GRIN2B: variants seen among roughly 807,000 people sequenced by gnomAD.
GRIN2B encodes the protein glutamate ionotropic receptor NMDA type subunit 2B.
A neutral mutation model predicts 114.5 loss-of-function variants in GRIN2B; 5 were observed. The observed-to-expected ratio is 0.04, with a 90% CI of 0.02 to 0.09. The LOEUF is 0.09. Among genes scored for constraint, GRIN2B ranks in the 10% least tolerant of loss-of-function variants. GRIN2B has a pLI of 1.00. For synonymous variants in GRIN2B, 787 were observed against 745.1 expected (o/e 1.06, Z -0.92); for missense variants, 1,108 against 1,943.5 (o/e 0.57, Z 8.08).
chr12:13,626,190 ATCT>A (rs2136492336), intron 5 of GRIN2B, among the ~76,000 whole-genome samples: 1 of 152,330 alleles, frequency 6.6e-6, no homozygotes, highest in Admixed American at 6.5e-5. Flanking sequence ...GTCCCAAACC[ATCT>A]TCTGGGACAT....
At chr12:13,648,586 C>T (rs1319250163) in intron 5 of GRIN2B, among the ~76,000 whole-genome samples, 1 of 151,966 alleles carries the variant, frequency 6.6e-6, no homozygotes, top group African/African-American at 2.4e-5. Context: ...AAAGCAGTTT[C>T]TCCTTTGATG....
chr12:13,748,401 G>A (rs1172241193), intron 4 of GRIN2B, among the ~76,000 whole-genome samples: 1 of 152,194 alleles, frequency 6.6e-6, no homozygotes, highest in Non-Finnish European at 1.5e-5. Flanking sequence ...AGAGTACATG[G>A]AGAAGGAAAA....
chr12:13,877,537 T>C (rs1297165921), intron 2 of GRIN2B, among the ~76,000 whole-genome samples: 1 of 152,224 alleles, frequency 6.6e-6, no homozygotes, highest in African/African-American at 2.4e-5. Context: ...CTTTACTCTT[T>C]AGTTGTTCTT....
intron 5 of GRIN2B, among the ~76,000 whole-genome samples, chr12:13,659,549 C>T (rs949191558): frequency 6.6e-6 from 1 of 152,144 alleles, no homozygotes; most frequent in Non-Finnish European, 1.5e-5. Context: ...ACTATCTTTG[C>T]TTCTAATGCT....
chr12:13,954,811 G>GA lies in GRIN2B; in HGVS notation c.-19+25116dup, dbSNP rs61525874. 3.3e-3 allele frequency among the ~76,000 whole-genome samples: 84 copies of GA among 25,548 alleles called. 14 individuals are homozygous for GA. Among genetic ancestry groups the GA allele is most frequent in the South Asian group, 0.014 (7 of 498 alleles). 16.8% of individuals were successfully genotyped at this position (25,548 alleles called of 152,430 possible). A position where few individuals can be genotyped will look rare whatever the true frequency, so the allele number is the denominator to read the frequency against. Reference sequence around the variant, plus strand: ...GTGACAGAGTGAGACTCCGTCTCAGGAAAAAAAAAAAAAAAAAACTTTTTC... The same window carrying GA: ...GTGACAGAGTGAGACTCCGTCTCAGGAAAAAAAAAAAAAAAAAAACTTTTTC... On this transcript the variant is annotated intron_variant, in intron 2 of 13. Coordinates refer to ENST00000609686, the MANE Select transcript of GRIN2B (RefSeq NM_000834.5).
At position 13,615,860 on chromosome 12, in the gene GRIN2B, T is replaced by G. The variant is rs1047966274; in HGVS notation, c.1329-196A>C. Among the ~76,000 whole-genome samples the G allele has an allele frequency of 1.3e-5, 2 of 152,220 alleles. No homozygotes were observed. Among genetic ancestry groups the G allele is most frequent in the Non-Finnish European group, 2.9e-5 (2 of 68,042 alleles). On this transcript the variant is annotated intron_variant, in intron 6 of 13. Transcript: ENST00000609686. This position sits in a 1 kb window ranked among gnomAD's most constrained non-coding sequence, Gnocchi z 5.8. Reference sequence around the variant, plus strand: ...GCAATATTCTCATTATCTCGTCATATTGAGATATGTTTCCTCTTAATTTTA... The same window carrying G: ...GCAATATTCTCATTATCTCGTCATAGTGAGATATGTTTCCTCTTAATTTTA...
chr12:13,742,315 C>A (rs1164988389), intron 4 of GRIN2B, among the ~76,000 whole-genome samples: 1 of 152,172 alleles, frequency 6.6e-6, no homozygotes, highest in Non-Finnish European at 1.5e-5. Context: ...CTATCTGATC[C>A]TCATCATCAT....
At chr12:13,824,975 T>C (rs1407327084) in intron 3 of GRIN2B, among the ~76,000 whole-genome samples, 1 of 152,130 alleles carries the variant, frequency 6.6e-6, no homozygotes, top group Non-Finnish European at 1.5e-5. Context: ...ATTCTGTTTA[T>C]CTTACTCTTC....
chr12:13,721,405 T>C (rs1950507539), intron 4 of GRIN2B, among the ~76,000 whole-genome samples: 1 of 151,990 alleles, frequency 6.6e-6, no homozygotes, highest in African/African-American at 2.4e-5. Context: ...GGGAGACTCT[T>C]GCAGGAATCC....
intron 4 of GRIN2B, among the ~76,000 whole-genome samples, chr12:13,731,871 C>T (rs1223988287): frequency 6.6e-6 from 1 of 152,136 alleles, no homozygotes; most frequent in East Asian, 1.9e-4. Context: ...CTTAAAATAA[C>T]CATTTATCAT....
chr12:13,744,555 C>G (rs1371657583), intron 4 of GRIN2B, among the ~76,000 whole-genome samples: 1 of 151,948 alleles, frequency 6.6e-6, no homozygotes, highest in Admixed American at 6.6e-5. Flanking sequence ...ACAAAACACC[C>G]AATAAAGAAA....
intron 2 of GRIN2B, among the ~76,000 whole-genome samples, chr12:13,953,163 T>C (rs1208733942): frequency 1.3e-5 from 2 of 152,094 alleles, no homozygotes; most frequent in African/African-American, 2.4e-5. Context: ...CCTGTCTGTG[T>C]GGCTTCTCAC....
intron 2 of GRIN2B, among the ~76,000 whole-genome samples, chr12:13,879,535 G>A (rs558507057): frequency 4.0e-5 from 6 of 150,932 alleles, no homozygotes; most frequent in African/African-American, 1.5e-4. Context: ...AAAAAAAAAT[G>A]AGAACTGTTT....
At chr12:13,598,726 T>C (rs193299917) in intron 10 of GRIN2B, among the ~76,000 whole-genome samples, 2 of 152,268 alleles carry the variant, frequency 1.3e-5, no homozygotes, top group Non-Finnish European at 2.9e-5. Flanking sequence ...GTGGGAGCTT[T>C]TGGCACCTGT....
intron 3 of GRIN2B, among the ~76,000 whole-genome samples, chr12:13,853,269 A>G (rs538395423): frequency 6.6e-6 from 1 of 152,324 alleles, no homozygotes; most frequent in East Asian, 1.9e-4. Context: ...TACTGATCAC[A>G]TCTCCAGAAC....
intron 3 of GRIN2B, among the ~76,000 whole-genome samples, chr12:13,764,142 C>T (rs895763186): frequency 5.0e-4 from 75 of 149,876 alleles, no homozygotes; most frequent in African/African-American, 1.4e-3. Flanking sequence ...CAATTGTGTC[C>T]GCAGTCCTAG....
chr12:13,823,162 A>G (rs918297195), intron 3 of GRIN2B, among the ~76,000 whole-genome samples: 2 of 152,092 alleles, frequency 1.3e-5, no homozygotes, highest in African/African-American at 4.8e-5. Flanking sequence ...TTGTATTTCC[A>G]TAAATTTTTT....
intron 3 of GRIN2B, among the ~76,000 whole-genome samples, chr12:13,817,005 A>C (rs568113939): frequency 6.6e-6 from 1 of 152,296 alleles, no homozygotes; most frequent in East Asian, 1.9e-4. Context: ...GGATGCCAGC[A>C]TACAAATACA....
intron 10 of GRIN2B, among the ~76,000 whole-genome samples, chr12:13,594,788 G>A (rs2136446416): frequency 6.6e-6 from 1 of 152,158 alleles, no homozygotes; most frequent in African/African-American, 2.4e-5. Flanking sequence ...TTGGAGCATG[G>A]GTGTATTGGA....
Sources: gnomAD v4.1 joint callset for allele counts (sites outside exome capture counted in the v4.1 genomes callset) on GRCh38, gnomAD v4.1.1 for gene constraint, Gnocchi (gnomAD v3.1) non-coding constraint, MANE v1.5 for transcripts, NCBI Gene and HGNC (gene_info 2026-07-23, HGNC 2026-07-21) for gene names.